Variants in TRDN observed in about 807,000 individuals in gnomAD.
TRDN encodes triadin, also known as triadin in skeletal muscle.
Under a neutral mutation model 149.7 loss-of-function variants are expected in TRDN, and 161 were observed. The ratio of observed to expected loss-of-function variants is 1.08; its 90% CI spans 0.95 to 1.23. The LOEUF (loss-of-function observed/expected upper bound fraction) is 1.23, where lower values mean the gene tolerates loss of function less well. Among genes scored for constraint, TRDN ranks in the 50% most tolerant of loss-of-function variants. The pLI is 0.00. For synonymous variants in TRDN, 294 were observed against 250.5 expected (o/e 1.17, Z -1.64); for missense variants, 896 against 823.5 (o/e 1.09, Z -1.08).
At chr6:123,507,985 T>C (rs1779007007) in intron 7 of TRDN, among the ~76,000 whole-genome samples, 1 of 62,490 alleles carries the variant, frequency 1.6e-5, no homozygotes, top group Non-Finnish European at 3.8e-5. Flanking sequence ...CTTCAGTTTC[T>C]TTGCGTTAAA....
intron 24 of TRDN, among the ~76,000 whole-genome samples, chr6:123,305,268 C>T (rs1463110679): frequency 6.6e-6 from 1 of 152,120 alleles, no homozygotes; most frequent in African/African-American, 2.4e-5. Context: ...CTTGGTTTGG[C>T]TTCCTAGCTT....
intron 1 of TRDN, among the ~76,000 whole-genome samples, chr6:123,586,058 G>T (rs1299180763): frequency 6.6e-6 from 1 of 152,060 alleles, no homozygotes; most frequent in Admixed American, 6.6e-5. Flanking sequence ...GTGTCTCAGG[G>T]TTGCTGCCAA....
At chr6:123,549,359 G>T (rs1466453514) in intron 2 of TRDN, among the ~76,000 whole-genome samples, 1 of 151,984 alleles carries the variant, frequency 6.6e-6, no homozygotes, top group Non-Finnish European at 1.5e-5. Flanking sequence ...TATGAAAACT[G>T]CTCTGAAGAG....
At chr6:123,603,938 A>G (rs1445237296) in intron 1 of TRDN, among the ~76,000 whole-genome samples, 5 of 152,162 alleles carry the variant, frequency 3.3e-5, no homozygotes, top group African/African-American at 1.2e-4. Context: ...CCCTACTGAT[A>G]TTTTCCTATA....
At chr6:123,573,145 G>A (rs1005753040) in intron 1 of TRDN, among the ~76,000 whole-genome samples, 4 of 151,960 alleles carry the variant, frequency 2.6e-5, no homozygotes, top group African/African-American at 7.2e-5. Flanking sequence ...ATAAGAGATT[G>A]GAATTAACTC....
chr6:123,626,085 T>C (rs1427362883), intron 1 of TRDN, among the ~76,000 whole-genome samples: 1 of 152,200 alleles, frequency 6.6e-6, no homozygotes, highest in Non-Finnish European at 1.5e-5. Flanking sequence ...CTCTATGTTA[T>C]ATTCTAAATC....
rs185273442 is a variant in TRDN at position 123,611,727 on chromosome 6, T to C, written c.22+25027A>G. 3.1e-4 allele frequency among the ~76,000 whole-genome samples: 47 copies of C among 152,246 alleles called. No homozygotes were observed. The East Asian group carries it at 8.1e-3, about 26-fold the overall frequency. ...TATGATTGTCTGACTCTTCATACAA[T>C]TTTTTCACCAAATATTCTTGATACA... is the stretch of plus-strand genomic sequence containing the variant. On this transcript the variant is annotated intron_variant, in intron 1 of 40. Coordinates refer to ENST00000334268, the MANE Select transcript of TRDN (RefSeq NM_006073.4).
intron 9 of TRDN, among the ~76,000 whole-genome samples, chr6:123,466,241 T>A (rs148952115): frequency 6.6e-6 from 1 of 152,072 alleles, no homozygotes; most frequent in Non-Finnish European, 1.5e-5. Context: ...AAAGAAAAAA[T>A]AAGGCTGGGA....
chr6:123,229,716 T>C (rs1775525288), intron 38 of TRDN, among the ~76,000 whole-genome samples: 1 of 151,952 alleles, frequency 6.6e-6, no homozygotes. Flanking sequence ...GGAGACTGCG[T>C]GTGTATGGAC....
chr6:123,252,082 G>A lies in TRDN; in HGVS notation c.1975+330C>T, dbSNP rs143392879. Among the ~76,000 whole-genome samples the A allele has an allele frequency of 1.5e-3, 230 of 152,174 alleles. 2 individuals are homozygous for A. Among genetic ancestry groups the A allele is most frequent in the Non-Finnish European group, 2.4e-3 (166 of 67,968 alleles). On this transcript the variant is annotated intron_variant, in intron 38 of 40. Coordinates refer to ENST00000334268, the MANE Select transcript of TRDN (RefSeq NM_006073.4). ...ATGTGGTCTTTAACAAATTTCTAGTGATTGACAGTTAAAGGCAGATACAGA... is the reference window on the plus strand; with the variant it reads ...ATGTGGTCTTTAACAAATTTCTAGTAATTGACAGTTAAAGGCAGATACAGA...
intron 7 of TRDN, among the ~76,000 whole-genome samples, chr6:123,510,788 T>G (rs1029062939): frequency 1.3e-5 from 2 of 151,958 alleles, no homozygotes; most frequent in African/African-American, 4.8e-5. Context: ...GGATTACAAG[T>G]GTGTGCCACC....
At chr6:123,224,162 A>G in intron 38 of TRDN, 31 bp from the exon 39 acceptor site, 2 of 1,603,248 alleles carry the variant, frequency 1.2e-6, no homozygotes, top group Non-Finnish European at 1.7e-6. Flanking sequence ...ACATAGAATC[A>G]CAGTCAATTT....
intron 1 of TRDN, among the ~76,000 whole-genome samples, chr6:123,614,512 A>T (rs551501079): frequency 1.5e-3 from 222 of 151,666 alleles, no homozygotes; most frequent in African/African-American, 5.2e-3. Context: ...AATTACACTT[A>T]TTGAAGATAT....
intron 38 of TRDN, among the ~76,000 whole-genome samples, chr6:123,249,827 G>T (rs1162064808): frequency 6.6e-6 from 1 of 151,896 alleles, no homozygotes; most frequent in African/African-American, 2.4e-5. Context: ...ACAAGAGAAA[G>T]AAATAAATAG....
At chr6:123,576,050 G>T (rs1782838214) in intron 1 of TRDN, among the ~76,000 whole-genome samples, 1 of 152,114 alleles carries the variant, frequency 6.6e-6, no homozygotes. Context: ...TCTCTTTCAA[G>T]ATGTGTAGAG....
chr6:123,368,209 T>A (rs1306670032), intron 19 of TRDN, among the ~76,000 whole-genome samples: 1 of 152,200 alleles, frequency 6.6e-6, no homozygotes, highest in East Asian at 1.9e-4. Flanking sequence ...TTCTCATTAC[T>A]CTTCATAGAT....
At chr6:123,294,651 A>G (rs1384665304) in intron 24 of TRDN, among the ~76,000 whole-genome samples, 1 of 137,960 alleles carries the variant, frequency 7.2e-6, no homozygotes, top group African/African-American at 2.7e-5. Context: ...TGTAGATCAG[A>G]CAATAATGCT....
chr6:123,276,313 A>C (rs1777365025), intron 26 of TRDN, among the ~76,000 whole-genome samples: 4 of 152,112 alleles, frequency 2.6e-5, no homozygotes, highest in African/African-American at 9.7e-5. Flanking sequence ...CCACTAAAGG[A>C]AAGGTAATAT....
At chr6:123,286,887 T>G (rs556782786) in intron 24 of TRDN, among the ~76,000 whole-genome samples, 5 of 152,022 alleles carry the variant, frequency 3.3e-5, no homozygotes, top group Non-Finnish European at 5.9e-5. Flanking sequence ...TGTAGCTACT[T>G]GGACTCCATT....
Sources: gnomAD v4.1 joint callset for allele counts (sites outside exome capture counted in the v4.1 genomes callset) on GRCh38, gnomAD v4.1.1 for gene constraint, MANE v1.5 for transcripts, NCBI Gene and HGNC (gene_info 2026-07-23, HGNC 2026-07-21) for gene names.